The following SH3D21 variants were observed in gnomAD, a reference collection of about 807,000 sequenced individuals.
The protein encoded by SH3D21 is SH3 domain-containing protein 21.
SH3D21 carries 83 observed loss-of-function variants against 82.1 expected under a neutral mutation model. The observed-to-expected ratio is 1.01, with a 90% CI of 0.85 to 1.21. SH3D21 has a LOEUF of 1.21. SH3D21 is among the 50% of genes most tolerant of loss of function. The probability of loss-of-function intolerance (pLI) is 0.00; values close to 1 mark genes in which losing one functional copy is unlikely to be tolerated. For synonymous variants in SH3D21, 383 were observed against 387.8 expected, an observed-to-expected ratio of 0.99 and a Z score of 0.15; for missense variants, 980 against 962.1, an observed-to-expected ratio of 1.02 and a Z score of -0.25.
At chr1:36,322,721 G>A (rs1265634343), downstream of SH3D21, 17 of 1,546,626 alleles carry the variant, frequency 1.1e-5, no homozygotes, top group Admixed American at 2.4e-4. Flanking sequence ...AGCTCTCGGG[G>A]TTGGCTGCGG....
rs971020687 is a variant in SH3D21, at chr1:36,307,546, G to A, written c.375G>A (p.Lys125=). 2.0e-5 allele frequency: 31 copies of A among 1,551,578 alleles called. No individual in the cohort carries two copies. Among genetic ancestry groups the A allele is most frequent in the Non-Finnish European group, 2.7e-5 (31 of 1,146,998 alleles). ...EIEDGWWLGK[K]NGQLGAFPSN... ...AGGACGGCTGGTGGCTGGGGAAGAAGAACGGGCAGCTGGGAGCCTTCCCAT... is the reference window on the plus strand; with the variant it reads ...AGGACGGCTGGTGGCTGGGGAAGAAAAACGGGCAGCTGGGAGCCTTCCCAT... The change falls in exon 5 of 16, where the codon AAG becomes AAA. Residue 125 remains lysine (K), a synonymous_variant. Transcript: ENST00000453908. The surrounding 1 kb of genome is among the most constrained non-coding windows in gnomAD (Gnocchi z 5.4).
Position 36,306,573 on chromosome 1 carries a change from C to T in SH3D21, c.5-25C>T, listed in dbSNP as rs1326042449. On this transcript the variant is annotated intron_variant, in intron 1 of 15. Coordinates refer to ENST00000453908, the MANE Select transcript of SH3D21 (RefSeq NM_001162530.2). This position sits in a 1 kb window ranked among gnomAD's most constrained non-coding sequence, Gnocchi z 4.5. The stretch of plus-strand genomic sequence containing the variant: ...CCCGGCTGGGCCTTTCTGAGCCGCA[C>T]GCCGGCCCCGTCTTCCGCCCGCAGA... 4.6e-6 allele frequency: 6 copies of T among 1,302,418 alleles called. No individual in the cohort carries two copies. In the South Asian group the frequency reaches 7.4e-5, roughly 16 times the overall value. The allele number at this position is 1,302,418 out of a possible 1,614,324, so 80.7% of individuals were successfully genotyped here.
In SH3D21 at chr1:36,321,047, C is replaced by T. The variant is rs769035116; in HGVS notation, c.2200-9C>T. 2 of 1,609,670 alleles carry T rather than the reference C, an allele frequency of 1.2e-6. No individual in the cohort carries two copies. The highest frequency in any genetic ancestry group is 1.7e-5 in the Admixed American group (1 of 59,652). On this transcript the variant is annotated splice_polypyrimidine_tract_variant and intron_variant, in intron 15 of 15. Transcript: ENST00000453908. The surrounding 1 kb of genome is among the most constrained non-coding windows in gnomAD (Gnocchi z 6.1). ...CCCCTGACAAAGTCTCCACCTCACT[C>T]CCGACCAGGTCCAGGTGATGCAGGG...
At chr1:36,328,057 T>C (rs1167660192), downstream of SH3D21, 3 of 465,338 alleles carry the variant, frequency 6.4e-6, no homozygotes, top group Admixed American at 4.7e-5. Context: ...ATCTGCTGTC[T>C]GCTCACCTGC....
Position 36,306,899 on chromosome 1 carries a change from C to T in SH3D21, c.220C>T (p.Arg74Cys). The change falls in exon 3 of 16, where the codon CGC (arginine) becomes TGC (cysteine). Residue 74 changes from arginine to cysteine, a missense_variant. Coordinates refer to ENST00000453908, the MANE Select transcript of SH3D21 (RefSeq NM_001162530.2). The surrounding 1 kb of genome is among the most constrained non-coding windows in gnomAD (Gnocchi z 4.5). ...GEARRPRCAR[R>C]RGHPAKHPRP... ...GGCGCGGAGGCCGCGCTGTGCGCGC[C>T]GCCGAGGTGAGCGCAAGGGCGGGGA... 1 of 1,317,150 alleles carries T rather than the reference C, an allele frequency of 7.6e-7. No homozygotes were observed. The highest frequency in any genetic ancestry group is 9.9e-7 in the Non-Finnish European group (1 of 1,007,904). 81.6% of individuals were successfully genotyped at this position (1,317,150 alleles called of 1,614,324 possible).
chr1:36,321,957 TCA>T (rs548079740), downstream of SH3D21: 75 of 1,140,142 alleles, frequency 6.6e-5, no homozygotes, highest in South Asian at 2.5e-3. This position sits in a 1 kb window ranked among gnomAD's most constrained non-coding sequence, Gnocchi z 6.1. Flanking sequence ...AAGCTGGGCC[TCA>T]GTCCTGGGGC....
downstream of SH3D21, chr1:36,322,567 C>T (rs201068811): frequency 5.0e-6 from 8 of 1,589,792 alleles, no homozygotes; most frequent in East Asian, 2.3e-5. Context: ...TCGTCGTCCT[C>T]GGGCTCCAGG....
chr1:36,322,546 C>T (rs1021471434), downstream of SH3D21: 33 of 1,597,458 alleles, frequency 2.1e-5, no homozygotes, highest in Non-Finnish European at 2.8e-5. Context: ...ACCGTGTCCT[C>T]CTCGTCCTCG....
chr1:36,306,532 C>T lies in SH3D21; in HGVS notation c.5-66C>T. The T allele has an allele frequency of 7.7e-7, 1 of 1,302,910 alleles. No individual in the cohort carries two copies. The allele number at this position is 1,302,910 out of a possible 1,614,324, so 80.7% of individuals were successfully genotyped here. Reference sequence around the variant, plus strand: ...CCTCTACGGTGCTTGGGGACACGCCCGCCCTAGCCAGGCTGCCCGGCTGGG... The same window carrying T: ...CCTCTACGGTGCTTGGGGACACGCCTGCCCTAGCCAGGCTGCCCGGCTGGG... On this transcript the variant is annotated intron_variant, in intron 1 of 15. Coordinates refer to ENST00000453908, the MANE Select transcript of SH3D21 (RefSeq NM_001162530.2). This position sits in a 1 kb window ranked among gnomAD's most constrained non-coding sequence, Gnocchi z 4.5.
chr1:36,315,086 C>T (rs1646318275), intron 10 of SH3D21, among the ~76,000 whole-genome samples: 1 of 151,916 alleles, frequency 6.6e-6, no homozygotes, highest in Non-Finnish European at 1.5e-5. Context: ...AACAGCCTGA[C>T]CAGCATGGCG....
downstream of SH3D21, among the ~76,000 whole-genome samples, chr1:36,323,288 C>T (rs903161791): frequency 6.6e-6 from 1 of 152,120 alleles, no homozygotes; most frequent in African/African-American, 2.4e-5. Flanking sequence ...CGGGAGGCCC[C>T]GCCCCCTGGT....
At chr1:36,321,541 G>A, downstream of SH3D21, 1 of 736,818 alleles carries the variant, frequency 1.4e-6, no homozygotes, top group Non-Finnish European at 1.8e-6. The surrounding 1 kb of genome is among the most constrained non-coding windows in gnomAD (Gnocchi z 6.1). Context: ...CTTCTCGCCA[G>A]CTCGGACCCC....
In SH3D21 at chr1:36,320,423, CCCTT is replaced by C. The variant is rs780407572; in HGVS notation, c.1763_1766del (p.Leu588GlnfsTer24). ...CCCCACCCCCACGAAGAGGCTACAA[CCCTT>C]CCAGAGGAGGCACCTTCCAATGACG... is the stretch of plus-strand genomic sequence containing the variant. On this transcript the variant is annotated frameshift_variant, in exon 14 of 16. Transcript: ENST00000453908. LOFTEE classifies it high-confidence loss of function. 4.7e-5 allele frequency: 76 copies of C among 1,613,234 alleles called. No individual in the cohort carries two copies. Among genetic ancestry groups the C allele is most frequent in the Non-Finnish European group, 5.8e-5 (69 of 1,179,792 alleles).
chr1:36,308,252 T>C, intron 8 of SH3D21, 43 bp downstream of exon 8: 2 of 1,491,760 alleles, frequency 1.3e-6, no homozygotes, highest in South Asian at 2.5e-5. Context: ...AAGCCGGTGT[T>C]GAGAAAGGGT....
At chr1:36,319,208 C>T (rs755582731) in intron 11 of SH3D21, 44 bp downstream of exon 11, 1 of 1,548,532 alleles carries the variant, frequency 6.5e-7, no homozygotes, top group African/African-American at 1.4e-5. Context: ...GGGTAGGAGG[C>T]AACGCCCCTC....
chr1:36,322,285 C>T, downstream of SH3D21: 4 of 1,495,262 alleles, frequency 2.7e-6, no homozygotes, highest in Admixed American at 2.2e-5. Flanking sequence ...GCAGCGGGAG[C>T]CGGGGCCCAT....
chr1:36,328,782 AAAC>A (rs1300561953), downstream of SH3D21: 1 of 153,550 alleles, frequency 6.5e-6, no homozygotes, highest in African/African-American at 2.4e-5. Flanking sequence ...AAAACAAACA[AAAC>A]AACAGCAACA....
chr1:36,319,768 G>C lies in SH3D21; in HGVS notation c.1105G>C (p.Glu369Gln). Residue 369 changes from glutamate (E) to glutamine (Q), a missense_variant, in exon 14 of 16, where the codon GAG becomes CAG. Glu to Gln is a conservative substitution (Grantham distance 29). Transcript: ENST00000453908. ...TATPERPPAPENAPSSKKIPA... is the reference protein window; with the variant it reads ...TATPERPPAPQNAPSSKKIPA... ...CACCCCAGAGAGGCCCCCAGCTCCA[G>C]AGAACGCCCCCAGCTCCAAGAAGAT... is the stretch of plus-strand genomic sequence containing the variant. 1 of 1,611,516 alleles carries C rather than the reference G, an allele frequency of 6.2e-7. No individual in the cohort carries two copies. Among genetic ancestry groups the C allele is most frequent in the Non-Finnish European group, 8.5e-7 (1 of 1,178,932 alleles).
rs1467114453 is a variant in SH3D21 at position 36,309,571 on chromosome 1, A to G, written c.750A>G (p.Lys250=). The G allele has an allele frequency of 6.4e-7, 1 of 1,551,674 alleles. No homozygotes were observed. The highest frequency in any genetic ancestry group is 8.7e-7 in the Non-Finnish European group (1 of 1,146,962). Residue 250 remains lysine, a synonymous_variant, in exon 10 of 16, where the codon AAA becomes AAG. Coordinates refer to ENST00000453908, the MANE Select transcript of SH3D21 (RefSeq NM_001162530.2). The part of the protein sequence containing the change: ...PPPIKKLVPR[K]VVSRESAPIK... ...AGATCAAGAAGCTGGTCCCACGGAAAGTGGTATCTCGGGAATCAGGTGAGT... is the reference window on the plus strand; with the variant it reads ...AGATCAAGAAGCTGGTCCCACGGAAGGTGGTATCTCGGGAATCAGGTGAGT...
Sources: gnomAD v4.1 joint callset for allele counts (sites outside exome capture counted in the v4.1 genomes callset) on GRCh38, gnomAD v4.1.1 for gene constraint, Gnocchi (gnomAD v3.1) non-coding constraint, MANE v1.5 for transcripts, NCBI Gene and HGNC (gene_info 2026-07-23, HGNC 2026-07-21) for gene names.